Variants in ACACB observed in about 807,000 individuals in gnomAD.
The protein encoded by ACACB is acetyl-CoA carboxylase 2.
Under a neutral mutation model 278.8 loss-of-function variants are expected in ACACB, and 209 were observed. The ratio of observed to expected loss-of-function variants is 0.75; its 90% CI spans 0.67 to 0.84. ACACB has a LOEUF of 0.84. Ranked by LOEUF, ACACB falls within the 40% of genes least tolerant of loss-of-function variation. The pLI is 0.00. For synonymous variants in ACACB, 1,174 were observed against 1,285.6 expected (o/e 0.91, Z 1.86); for missense variants, 2,850 against 3,269.0 (o/e 0.87, Z 3.13).
chr12:109,139,383 T>G lies in ACACB; in HGVS notation c.-9-14T>G, dbSNP rs780859563. The G allele has an allele frequency of 3.1e-6, 5 of 1,597,426 alleles. No homozygotes were observed. The highest frequency in any genetic ancestry group is 4.3e-6 in the Non-Finnish European group (5 of 1,171,242). Reference sequence around the variant, plus strand: ...TATGTAAATCCTAAAATGTCTCTCCTTTTCTCCTTACAGATTTTCTGAATG... The same window carrying G: ...TATGTAAATCCTAAAATGTCTCTCCGTTTCTCCTTACAGATTTTCTGAATG... On this transcript the variant is annotated splice_polypyrimidine_tract_variant and intron_variant, in intron 1 of 52. Transcript: ENST00000338432.
At chr12:109,207,928 C>T (rs1485034694) in intron 20 of ACACB, among the ~76,000 whole-genome samples, 5 of 152,200 alleles carry the variant, frequency 3.3e-5, no homozygotes, top group Non-Finnish European at 7.3e-5. Flanking sequence ...GATCCACCCA[C>T]CTTGGCCTCC....
At chr12:109,130,190 G>T (rs1361361332) in intron 1 of ACACB, among the ~76,000 whole-genome samples, 1 of 152,140 alleles carries the variant, frequency 6.6e-6, no homozygotes, top group African/African-American at 2.4e-5. Context: ...GATGTGTACA[G>T]CCCAACTGCA....
At chr12:109,128,145 T>G (rs1642035) in intron 1 of ACACB, among the ~76,000 whole-genome samples, 12,660 of 152,000 alleles carry the variant, frequency 0.083, 840 homozygotes, top group African/African-American at 0.18. Flanking sequence ...TTTTCCTGAT[T>G]CTGAGATTCT....
chr12:109,166,781 C>G, intron 2 of ACACB, 80 bp from the exon 3 acceptor site: 2 of 1,584,476 alleles, frequency 1.3e-6, no homozygotes, highest in Non-Finnish European at 1.7e-6. Flanking sequence ...CTCCTCTGCT[C>G]CACTGGCTTT....
At chr12:109,206,991 T>C in intron 20 of ACACB, 135 bp downstream of exon 20, 1 of 1,121,250 alleles carries the variant, frequency 8.9e-7, no homozygotes, top group Non-Finnish European at 1.2e-6. Flanking sequence ...TTATTTATTT[T>C]ATTTTTTCAG....
At chr12:109,229,531 CT>C (rs1360421217) in intron 28 of ACACB, among the ~76,000 whole-genome samples, 1 of 151,770 alleles carries the variant, frequency 6.6e-6, no homozygotes, top group African/African-American at 2.4e-5. Context: ...CTGAGAATAT[CT>C]TTTTTTGATT....
At chr12:109,241,489 C>A (rs1049833682) in intron 36 of ACACB, among the ~76,000 whole-genome samples, 1 of 152,190 alleles carries the variant, frequency 6.6e-6, no homozygotes, top group African/African-American at 2.4e-5. Context: ...GAGAGTGAAT[C>A]TCCAAGTTTA....
At chr12:109,133,857 ATATATATTTTTTTT>A (rs1300989234) in intron 1 of ACACB, among the ~76,000 whole-genome samples, 2 of 49,058 alleles carry the variant, frequency 4.1e-5, no homozygotes, top group African/African-American at 1.9e-4. Flanking sequence ...ATATATATAT[ATATATATTTTTTTT>A]TTTTTTTTTT....
At chr12:109,170,793 GT>G (rs71079532) in intron 4 of ACACB, among the ~76,000 whole-genome samples, 42,217 of 114,814 alleles carry the variant, frequency 0.37, 6,308 homozygotes, top group East Asian at 0.62. Flanking sequence ...TTTTGTGTGT[GT>G]TTTTTTTTTT....
intron 18 of ACACB, among the ~76,000 whole-genome samples, chr12:109,201,196 A>G (rs142004701): frequency 3.4e-4 from 52 of 152,368 alleles, no homozygotes; most frequent in African/African-American, 1.0e-3. Context: ...ACTGTTCACA[A>G]AATGTTTGAT....
chr12:109,217,645 C>CAA (rs1299921237), intron 24 of ACACB, among the ~76,000 whole-genome samples: 1 of 151,940 alleles, frequency 6.6e-6, no homozygotes, highest in East Asian at 1.9e-4. Context: ...ACAAAAAGTA[C>CAA]AAAAATTAGC....
At chr12:109,209,404 C>A in intron 21 of ACACB, 51 bp downstream of exon 21, 1 of 1,545,558 alleles carries the variant, frequency 6.5e-7, no homozygotes, top group South Asian at 1.2e-5. Context: ...CACACTGGGC[C>A]GGCTCCCGGT....
At chr12:109,242,643 C>A in intron 37 of ACACB, 51 bp downstream of exon 37, 2 of 1,587,732 alleles carry the variant, frequency 1.3e-6, no homozygotes, top group Non-Finnish European at 1.7e-6. Flanking sequence ...CCAGCAGACT[C>A]CACCAGAACC....
chr12:109,196,958 C>T, intron 16 of ACACB, 50 bp from the exon 17 acceptor site: 1 of 1,497,144 alleles, frequency 6.7e-7, no homozygotes, highest in South Asian at 1.4e-5. Context: ...CAGCAGTGCT[C>T]TGGGAGCACA....
At position 109,233,821 on chromosome 12, in the gene ACACB, T is replaced by A; in HGVS notation, c.4213T>A (p.Ser1405Thr). The A allele has an allele frequency of 6.2e-7, 1 of 1,614,088 alleles. No individual in the cohort carries two copies. Among genetic ancestry groups the A allele is most frequent in the Non-Finnish European group, 8.5e-7 (1 of 1,180,010 alleles). The stretch of plus-strand genomic sequence containing the variant: ...CCCCCTCTTCAGCGAGGCCCGCACC[T>A]CCCTATACTCCGAGGATGACTGCAA... ...DTPLFSEARTSLYSEDDCKSL... is the reference protein window; with the variant it reads ...DTPLFSEARTTLYSEDDCKSL... Residue 1405 changes from serine to threonine, a missense_variant, in exon 30 of 53, where the codon TCC (serine) becomes ACC (threonine). Transcript: ENST00000338432.
At position 109,171,920 on chromosome 12, in the gene ACACB, T is replaced by G. The variant is rs1334088761; in HGVS notation, c.1035+6T>G. ...CCAAGAGAATCCCCGTGCAGGTAGA[T>G]GGACTGGGGTGCCCAAGTGTGGCCC... On this transcript the variant is annotated splice_donor_region_variant and intron_variant, in intron 5 of 52. Transcript: ENST00000338432. 5.6e-6 allele frequency: 9 copies of G among 1,610,546 alleles called. No homozygotes were observed. The highest frequency in any genetic ancestry group is 5.9e-6 in the Non-Finnish European group (7 of 1,176,920).
intron 27 of ACACB, among the ~76,000 whole-genome samples, chr12:109,224,479 G>C (rs1004312189): frequency 6.6e-6 from 1 of 151,708 alleles, no homozygotes; most frequent in Non-Finnish European, 1.5e-5. Flanking sequence ...TTGAATTCAG[G>C]AACCAAGAAG....
At chr12:109,157,313 G>T (rs996945051) in intron 2 of ACACB, among the ~76,000 whole-genome samples, 2 of 106,692 alleles carry the variant, frequency 1.9e-5, no homozygotes, top group African/African-American at 7.5e-5. Context: ...ACAGGGTCTT[G>T]CTCTGTTGCC....
upstream of ACACB, among the ~76,000 whole-genome samples, chr12:109,112,688 C>CAAAAAAAAAAAAAAAAAAAAACAAAAAA (rs2042332630): frequency 9.7e-6 from 1 of 103,368 alleles, no homozygotes; most frequent in Non-Finnish European, 2.1e-5. Flanking sequence ...AACTCCGTCT[C>CAAAAAAAAAAAAAAAAAAAAACAAAAAA]AAAAAAAAAA....
Sources: gnomAD v4.1 joint callset for allele counts (sites outside exome capture counted in the v4.1 genomes callset) on GRCh38, gnomAD v4.1.1 for gene constraint, MANE v1.5 for transcripts, NCBI Gene and HGNC (gene_info 2026-07-23, HGNC 2026-07-21) for gene names.